Variants in PLCL2 observed in about 807,000 individuals in gnomAD.
PLCL2 encodes inactive phospholipase C-like protein 2.
In PLCL2, 4 loss-of-function variants were observed where a neutral mutation model predicts 79.6. The ratio of observed to expected loss-of-function variants is 0.05; its 90% CI spans 0.02 to 0.11. PLCL2 has a LOEUF of 0.11. Ranked by LOEUF, PLCL2 falls within the 10% of genes least tolerant of loss-of-function variation. The probability of loss-of-function intolerance (pLI) is 1.00; values close to 1 mark genes in which losing one functional copy is unlikely to be tolerated. For missense variants in PLCL2, 895 were observed against 1,291.0 expected, an observed-to-expected ratio of 0.69 and a Z score of 4.70; for synonymous variants, 484 against 457.7, an observed-to-expected ratio of 1.06 and a Z score of -0.73.
chr3:17,031,039 G>C (rs1239293423), intron 3 of PLCL2, among the ~76,000 whole-genome samples: 4 of 152,138 alleles, frequency 2.6e-5, no homozygotes, highest in African/African-American at 4.8e-5. Context: ...TTAGTGACTT[G>C]AAAGAGTTAA....
chr3:17,071,688 T>C (rs950995734), intron 5 of PLCL2, among the ~76,000 whole-genome samples: 1 of 152,166 alleles, frequency 6.6e-6, no homozygotes, highest in African/African-American at 2.4e-5. Flanking sequence ...TATCTTATAG[T>C]CCATGGCATC....
At chr3:16,927,757 G>A (rs1399477758) in intron 1 of PLCL2, among the ~76,000 whole-genome samples, 2 of 145,592 alleles carry the variant, frequency 1.4e-5, no homozygotes, top group Non-Finnish European at 3.1e-5. Context: ...GAGAACCACT[G>A]ATCTGGGGTT....
At chr3:17,036,750 CAG>C (rs1430622599) in intron 3 of PLCL2, among the ~76,000 whole-genome samples, 1 of 152,198 alleles carries the variant, frequency 6.6e-6, no homozygotes, top group Non-Finnish European at 1.5e-5. Flanking sequence ...GTTGTTGAAA[CAG>C]AATATCACAG....
intron 5 of PLCL2, among the ~76,000 whole-genome samples, chr3:17,073,417 T>G (rs1436826893): frequency 6.6e-6 from 1 of 152,210 alleles, no homozygotes; most frequent in Non-Finnish European, 1.5e-5. Flanking sequence ...AAGCCCTCAG[T>G]TAGTTGTAAT....
At chr3:17,020,032 G>A (rs1386709961) in intron 3 of PLCL2, among the ~76,000 whole-genome samples, 1 of 152,144 alleles carries the variant, frequency 6.6e-6, no homozygotes, top group Non-Finnish European at 1.5e-5. Context: ...ATCAATGTAA[G>A]TGATCTAATT....
intron 1 of PLCL2, among the ~76,000 whole-genome samples, chr3:17,007,461 A>T (rs151121312): frequency 6.6e-6 from 1 of 152,220 alleles, no homozygotes; most frequent in African/African-American, 2.4e-5. Flanking sequence ...TATCTTACAG[A>T]TACAATTACC....
chr3:16,955,006 G>C (rs534016504), intron 1 of PLCL2, among the ~76,000 whole-genome samples: 1 of 152,282 alleles, frequency 6.6e-6, no homozygotes, highest in African/African-American at 2.4e-5. Flanking sequence ...AGTTTCTTTT[G>C]CTGTGCAGAA....
At chr3:17,052,790 T>C (rs2064855509) in intron 4 of PLCL2, among the ~76,000 whole-genome samples, 1 of 152,146 alleles carries the variant, frequency 6.6e-6, no homozygotes, top group Non-Finnish European at 1.5e-5. Flanking sequence ...ACGTGATAAA[T>C]AGTAAATACA....
chr3:16,990,058 T>C (rs2064088160), intron 1 of PLCL2, among the ~76,000 whole-genome samples: 1 of 152,144 alleles, frequency 6.6e-6, no homozygotes, highest in Admixed American at 6.5e-5. Flanking sequence ...GCAGAGGAGA[T>C]AGCTCTGATC....
intron 4 of PLCL2, among the ~76,000 whole-genome samples, chr3:17,059,541 C>CAT (rs1316826999): frequency 6.6e-6 from 1 of 151,022 alleles, no homozygotes; most frequent in Non-Finnish European, 1.5e-5. Context: ...TGCCTCCAGA[C>CAT]ATATATATAC....
At chr3:16,920,957 C>A (rs1373936090) in intron 1 of PLCL2, among the ~76,000 whole-genome samples, 2 of 152,088 alleles carry the variant, frequency 1.3e-5, no homozygotes, top group Non-Finnish European at 2.9e-5. Flanking sequence ...TTTCTCATTT[C>A]AATGAAAGTT....
At chr3:16,925,221 C>G (rs1697218617) in intron 1 of PLCL2, among the ~76,000 whole-genome samples, 1 of 130,236 alleles carries the variant, frequency 7.7e-6, no homozygotes, top group Non-Finnish European at 1.7e-5. Flanking sequence ...CCGCGCCCGG[C>G]CAGGGTTTTT....
intron 1 of PLCL2, among the ~76,000 whole-genome samples, chr3:16,971,156 G>A (rs1312133497): frequency 6.6e-6 from 1 of 151,300 alleles, no homozygotes; most frequent in Non-Finnish European, 1.5e-5. Flanking sequence ...GTCCTGAATG[G>A]TAATGCCTAG....
chr3:16,917,827 G>A (rs1441039), intron 1 of PLCL2, among the ~76,000 whole-genome samples: 59,194 of 152,004 alleles, frequency 0.39, 11,910 homozygotes, highest in East Asian at 0.61. Context: ...CCACTCCTTG[G>A]TGGGGGAGTG....
In PLCL2 at chr3:16,902,881, T is replaced by TGTGTGTGTGTGCGC. The variant is rs1272936432; in HGVS notation, c.327+17516_327+17517insTGTGTGTGTGCGCG. On this transcript the variant is annotated intron_variant, in intron 1 of 5. Coordinates refer to ENST00000615277, the MANE Select transcript of PLCL2 (RefSeq NM_001144382.2). ...GTGTGTGTGTGTGTGTGTGTGTGTG[T>TGTGTGTGTGTGCGC]GNGCGCATGTGCATGCTTTGGAAGG... Among the ~76,000 whole-genome samples, 12 of 133,914 alleles carry TGTGTGTGTGTGCGC rather than the reference T, an allele frequency of 9.0e-5. 1 individual carries two copies. In the South Asian group the frequency reaches 2.0e-3, roughly 22 times the overall value. 87.9% of individuals were successfully genotyped at this position (133,914 alleles called of 152,430 possible).
At chr3:16,980,623 C>T (rs1303524129) in intron 1 of PLCL2, among the ~76,000 whole-genome samples, 1 of 151,790 alleles carries the variant, frequency 6.6e-6, no homozygotes, top group Non-Finnish European at 1.5e-5. Context: ...GGGATGGCAG[C>T]CGGGCAGAGA....
intron 1 of PLCL2, among the ~76,000 whole-genome samples, chr3:17,008,643 C>T (rs1407852677): frequency 6.6e-6 from 1 of 151,906 alleles, no homozygotes; most frequent in Non-Finnish European, 1.5e-5. Context: ...GTGTAGGAGG[C>T]GTACGTAGAA....
At position 17,063,244 on chromosome 3, in the gene PLCL2, GCCTTCCTC is replaced by G. The variant is rs1559536578; in HGVS notation, c.3095-4682_3095-4675del. On this transcript the variant is annotated intron_variant, in intron 4 of 5. Transcript: ENST00000615277. ...TTCCTTCCTCCCTCCCTCCCTCCCT[GCCTTCCTC>G]CCTTCCTCCCTTCCTCCCTTCCTCC... Among the ~76,000 whole-genome samples the G allele has an allele frequency of 8.6e-3, 55 of 6,424 alleles. 1 individual carries two copies. Among genetic ancestry groups the G allele is most frequent in the Non-Finnish European group, 0.012 (34 of 2,810 alleles). 4.2% of individuals were successfully genotyped at this position (6,424 alleles called of 152,430 possible).
chr3:16,986,673 G>C (rs2124992268), intron 1 of PLCL2, among the ~76,000 whole-genome samples: 1 of 152,224 alleles, frequency 6.6e-6, no homozygotes, highest in African/African-American at 2.4e-5. Flanking sequence ...AAAGTGCTGG[G>C]ATTACAGGCA....
Sources: gnomAD v4.1 joint callset for allele counts (sites outside exome capture counted in the v4.1 genomes callset) on GRCh38, gnomAD v4.1.1 for gene constraint, MANE v1.5 for transcripts, NCBI Gene and HGNC (gene_info 2026-07-23, HGNC 2026-07-21) for gene names.